Variants in AUTS2 observed in about 807,000 individuals in gnomAD.
AUTS2 encodes autism susceptibility gene 2 protein.
In AUTS2, 17 loss-of-function variants were observed where a neutral mutation model predicts 112.4. That is an observed-to-expected ratio of 0.15 (90% CI 0.10 to 0.23). AUTS2 has a LOEUF of 0.23. AUTS2 is among the 10% of genes least tolerant of loss of function. The pLI is 1.00. For missense variants in AUTS2, 1,510 were observed against 1,701.6 expected (o/e 0.89, Z 1.98); for synonymous variants, 751 against 702.7 (o/e 1.07, Z -1.09).
chr7:70,253,972 G>A (rs1786729292), intron 4 of AUTS2, among the ~76,000 whole-genome samples: 1 of 152,134 alleles, frequency 6.6e-6, no homozygotes, highest in African/African-American at 2.4e-5. Flanking sequence ...AGCCAAAGCT[G>A]AAGTTCTAAC....
At chr7:70,119,521 C>A (rs564350131) in intron 3 of AUTS2, 1 of 151,860 alleles carries the variant, frequency 6.6e-6, no homozygotes, top group African/African-American at 2.4e-5. Context: ...CGTGCCACCC[C>A]GCCCAGCTAA....
At chr7:70,754,893 C>T (rs1230497136) in intron 6 of AUTS2, among the ~76,000 whole-genome samples, 2 of 152,184 alleles carry the variant, frequency 1.3e-5, no homozygotes, top group South Asian at 2.1e-4. Flanking sequence ...AGGTTTGCTG[C>T]GGTAATGACC....
chr7:70,784,774 C>A lies in AUTS2; in HGVS notation c.2147-168C>A, dbSNP rs9886311. The A allele has an allele frequency of 0.039, 5,120 of 130,342 alleles. 126 individuals are homozygous for A. Among genetic ancestry groups the A allele is most frequent in the East Asian group, 0.13 (622 of 4,630 alleles). The allele number at this position is 130,342 out of a possible 1,614,324, so 8.1% of individuals were successfully genotyped here. On this transcript the variant is annotated intron_variant, in intron 15 of 18. Coordinates refer to ENST00000342771, the MANE Select transcript of AUTS2 (RefSeq NM_015570.4). ...AAAAAAAAAAAAAAAAAAAAAAAAA[C>A]ACACATTTTCTTTTACCCTGTGTCT...
At chr7:70,610,423 CTTTTTT>C (rs3054735) in intron 5 of AUTS2, among the ~76,000 whole-genome samples, 6 of 77,440 alleles carry the variant, frequency 7.7e-5, no homozygotes, top group African/African-American at 2.5e-4. Flanking sequence ...TAGCGCTCAT[CTTTTTT>C]TTTTTTTTTT....
chr7:70,507,047 G>T (rs529677470), intron 5 of AUTS2, among the ~76,000 whole-genome samples: 28 of 152,286 alleles, frequency 1.8e-4, no homozygotes, highest in African/African-American at 6.3e-4. Context: ...CCCAAATTAG[G>T]CCTGGTCTTC....
chr7:69,780,491 A>G (rs1439463903), intron 1 of AUTS2, among the ~76,000 whole-genome samples: 1 of 152,190 alleles, frequency 6.6e-6, no homozygotes, highest in Non-Finnish European at 1.5e-5. Flanking sequence ...GGATGATGTA[A>G]CTGTGGTCTA....
At chr7:69,688,109 T>C (rs1797144291) in intron 1 of AUTS2, among the ~76,000 whole-genome samples, 5 of 152,262 alleles carry the variant, frequency 3.3e-5, no homozygotes, top group Admixed American at 3.3e-4. Context: ...GAACAATTTA[T>C]GAAACTTATG....
intron 2 of AUTS2, among the ~76,000 whole-genome samples, chr7:69,994,441 C>T (rs985897884): frequency 1.3e-5 from 2 of 152,084 alleles, no homozygotes; most frequent in Non-Finnish European, 2.9e-5. Context: ...AATTGAGTGC[C>T]AGTGGTTGGA....
chr7:69,906,602 G>A (rs1298156656), intron 2 of AUTS2, among the ~76,000 whole-genome samples: 1 of 152,220 alleles, frequency 6.6e-6, no homozygotes, highest in Non-Finnish European at 1.5e-5. Context: ...TCGAGGAGCT[G>A]TTAATTGAAA....
At chr7:70,724,694 C>T (rs1786920075) in intron 6 of AUTS2, among the ~76,000 whole-genome samples, 1 of 152,094 alleles carries the variant, frequency 6.6e-6, no homozygotes, top group African/African-American at 2.4e-5. Context: ...GTCCGCTTGC[C>T]TCGGCCTCCC....
intron 1 of AUTS2, among the ~76,000 whole-genome samples, chr7:69,626,775 C>A (rs945617502): frequency 1.3e-5 from 2 of 152,056 alleles, no homozygotes; most frequent in East Asian, 1.9e-4. Context: ...TTTTTTAAGT[C>A]ATTAAAACAG....
intron 3 of AUTS2, among the ~76,000 whole-genome samples, chr7:70,125,391 G>A (rs1401001644): frequency 1.3e-5 from 2 of 151,968 alleles, no homozygotes; most frequent in South Asian, 2.1e-4. Context: ...AATGCCTAAC[G>A]TCTTACAAGG....
intron 5 of AUTS2, among the ~76,000 whole-genome samples, chr7:70,489,857 G>C (rs560178999): frequency 1.1e-4 from 16 of 152,244 alleles, no homozygotes; most frequent in African/African-American, 3.6e-4. Flanking sequence ...ACAACAATGA[G>C]ATACCCAGCA....
chr7:69,760,674 A>G (rs1326470687), intron 1 of AUTS2, among the ~76,000 whole-genome samples: 1 of 152,130 alleles, frequency 6.6e-6, no homozygotes, highest in Non-Finnish European at 1.5e-5. Context: ...TACAAAAATT[A>G]GCTGGGCGTG....
intron 5 of AUTS2, among the ~76,000 whole-genome samples, chr7:70,602,063 C>A (rs898360077): frequency 3.3e-5 from 5 of 152,132 alleles, no homozygotes; most frequent in African/African-American, 7.2e-5. Context: ...TCTCAAGATA[C>A]CTGAGACTAC....
intron 4 of AUTS2, among the ~76,000 whole-genome samples, chr7:70,214,516 C>G (rs1811075898): frequency 6.6e-6 from 1 of 152,116 alleles, no homozygotes; most frequent in South Asian, 2.1e-4. Context: ...ATACAGATGC[C>G]AATAATTTTT....
At chr7:70,408,255 C>A (rs1397790200) in intron 4 of AUTS2, among the ~76,000 whole-genome samples, 1 of 151,690 alleles carries the variant, frequency 6.6e-6, no homozygotes, top group Non-Finnish European at 1.5e-5. Flanking sequence ...AAATTCCCAG[C>A]ACTGGGAAGG....
chr7:70,072,972 A>C (rs1802847379), intron 2 of AUTS2, among the ~76,000 whole-genome samples: 1 of 151,444 alleles, frequency 6.6e-6, no homozygotes, highest in African/African-American at 2.4e-5. Flanking sequence ...TCATATGTCT[A>C]TTTCAGCCTC....
rs770716042 is a variant in AUTS2 at position 70,728,471 on chromosome 7, G to A, written c.742+29851G>A. On this transcript the variant is annotated intron_variant, in intron 6 of 18. Coordinates refer to ENST00000342771, the MANE Select transcript of AUTS2 (RefSeq NM_015570.4). ...TGCCTGTAATCTCAGCATTTTGGGA[G>A]GCCGACACGGGTGGGTCACCTGAGA... 3.3e-5 allele frequency among the ~76,000 whole-genome samples: 5 copies of A among 152,156 alleles called. No individual in the cohort carries two copies. The South Asian group carries it at 8.3e-4, about 25-fold the overall frequency.
Sources: allele counts gnomAD v4.1 joint callset (sites outside exome capture counted in the v4.1 genomes callset), GRCh38; gene constraint gnomAD v4.1.1; transcripts MANE v1.5; gene names NCBI Gene and HGNC (gene_info 2026-07-23, HGNC 2026-07-21).